The following SLC41A2 variants were observed in gnomAD, a reference collection of about 807,000 sequenced individuals.
The protein encoded by SLC41A2 is solute carrier family 41 member 2.
A neutral mutation model predicts 58.3 loss-of-function variants in SLC41A2; 32 were observed. The observed-to-expected ratio is 0.55, with a 90% CI of 0.41 to 0.74. The LOEUF is 0.74. Ranked by LOEUF, SLC41A2 falls within the 30% of genes least tolerant of loss-of-function variation. The pLI is 0.00. For missense variants in SLC41A2, 514 were observed against 680.6 expected, an observed-to-expected ratio of 0.76 and a Z score of 2.72; for synonymous variants, 190 against 235.0, an observed-to-expected ratio of 0.81 and a Z score of 1.75.
At chr12:104,853,939 T>A (rs1480192228) in intron 8 of SLC41A2, among the ~76,000 whole-genome samples, 2 of 132,830 alleles carry the variant, frequency 1.5e-5, no homozygotes, top group African/African-American at 2.9e-5. Context: ...TTTTTTTTTT[T>A]AGTAGAACTG....
At chr12:104,810,031 T>C (rs1566091582) in intron 10 of SLC41A2, among the ~76,000 whole-genome samples, 2 of 152,144 alleles carry the variant, frequency 1.3e-5, no homozygotes, top group East Asian at 3.8e-4. Flanking sequence ...CAGTGTCATA[T>C]AGGAGATTCC....
chr12:104,865,763 G>C (rs888415587), intron 7 of SLC41A2, among the ~76,000 whole-genome samples: 1 of 151,982 alleles, frequency 6.6e-6, no homozygotes, highest in African/African-American at 2.4e-5. Flanking sequence ...TCTTTTCTAG[G>C]TTGTTCTTCT....
intron 10 of SLC41A2, among the ~76,000 whole-genome samples, chr12:104,837,000 G>A (rs1046176849): frequency 3.3e-5 from 5 of 152,160 alleles, no homozygotes; most frequent in Admixed American, 2.6e-4. Flanking sequence ...TGCTGGATGG[G>A]ATCTGAGTGA....
At chr12:104,953,877 A>T (rs1593201641) in intron 1 of SLC41A2, among the ~76,000 whole-genome samples, 1 of 152,156 alleles carries the variant, frequency 6.6e-6, no homozygotes, top group Non-Finnish European at 1.5e-5. Flanking sequence ...TCTGGGTCCT[A>T]GGAGAACAGT....
rs1388590610 is a variant in SLC41A2, at chr12:104,873,198, C to T, written c.1028-6619G>A. Among the ~76,000 whole-genome samples, 3 of 152,088 alleles carry T rather than the reference C, an allele frequency of 2.0e-5. No individual in the cohort carries two copies. In the East Asian group the frequency reaches 5.8e-4, roughly 29 times the overall value. ...CCTCACCTCCACCCCTAACCCCCATCCCCCGTAACTACCATTCTACTCTTC... is the reference window on the plus strand; with the variant it reads ...CCTCACCTCCACCCCTAACCCCCATTCCCCGTAACTACCATTCTACTCTTC... On this transcript the variant is annotated intron_variant, in intron 6 of 10. Coordinates refer to ENST00000258538, the MANE Select transcript of SLC41A2 (RefSeq NM_001352171.3).
chr12:104,939,844 C>T (rs926383074), intron 1 of SLC41A2, among the ~76,000 whole-genome samples: 4 of 152,144 alleles, frequency 2.6e-5, no homozygotes, highest in African/African-American at 7.2e-5. Flanking sequence ...TTTATATAAA[C>T]ATACTAAGAT....
chr12:104,853,911 A>ATTATTATTTTTTTT lies in SLC41A2; in HGVS notation c.1255+7379_1255+7380insAAAAAAAATAATAA. On this transcript the variant is annotated intron_variant, in intron 8 of 10. Coordinates refer to ENST00000258538, the MANE Select transcript of SLC41A2 (RefSeq NM_001352171.3). ...GGGTGCATGTCACCATGCCTGGCTG[A>ATTATTATTTTTTTT]TTTTTTTTTTTTTTTTTTTTTTTTT... is the stretch of plus-strand genomic sequence containing the variant. Among the ~76,000 whole-genome samples, 56 of 59,494 alleles carry ATTATTATTTTTTTT rather than the reference A, an allele frequency of 9.4e-4. 4 individuals are homozygous for ATTATTATTTTTTTT. Among genetic ancestry groups the ATTATTATTTTTTTT allele is most frequent in the Admixed American group, 2.2e-3 (10 of 4,650 alleles). The allele number at this position is 59,494 out of a possible 152,430, so 39.0% of individuals were successfully genotyped here.
At position 104,866,586 on chromosome 12, in the gene SLC41A2, TTAA is replaced by T; in HGVS notation, c.1028-10_1028-8del. 7.8e-7 allele frequency: 1 copy of T among 1,283,760 alleles called. No individual in the cohort carries two copies. The allele number at this position is 1,283,760 out of a possible 1,614,324, so 79.5% of individuals were successfully genotyped here. ...GAAATGTAGTAATAGGTCTCTAAAA[TTAA>T]AAAAAAAAAAAAAAAGAGAGACAAC... On this transcript the variant is annotated splice_polypyrimidine_tract_variant and splice_region_variant and intron_variant, in intron 6 of 10. Transcript: ENST00000258538.
chr12:104,895,759 C>A (rs1010857939), intron 3 of SLC41A2, among the ~76,000 whole-genome samples: 2 of 152,030 alleles, frequency 1.3e-5, no homozygotes, highest in Non-Finnish European at 2.9e-5. Flanking sequence ...GAATTATTGA[C>A]CCAAAAACAA....
chr12:104,863,306 A>C (rs560557827), intron 7 of SLC41A2, among the ~76,000 whole-genome samples: 2 of 152,098 alleles, frequency 1.3e-5, no homozygotes, highest in Non-Finnish European at 2.9e-5. Flanking sequence ...GGGTGGGTGC[A>C]TGCCTGTAGT....
rs556703451 is a variant in SLC41A2, at chr12:104,906,390, G to A, written c.663+3265C>T. Among the ~76,000 whole-genome samples the A allele has an allele frequency of 2.6e-5, 4 of 152,102 alleles. No individual in the cohort carries two copies. In the South Asian group the frequency reaches 8.3e-4, roughly 32 times the overall value. ...TTTGTTGGAGGTGTAGATGGAGCTT[G>A]GACATGGGGCCTGGTGTATGTGTGA... On this transcript the variant is annotated intron_variant, in intron 3 of 10. Coordinates refer to ENST00000258538, the MANE Select transcript of SLC41A2 (RefSeq NM_001352171.3).
intron 8 of SLC41A2, among the ~76,000 whole-genome samples, chr12:104,853,899 C>T (rs2042900577): frequency 9.7e-6 from 1 of 102,872 alleles, no homozygotes; most frequent in Admixed American, 1.1e-4. Context: ...TGCATGTCAC[C>T]ATGCCTGGCT....
chr12:104,852,535 A>G lies in SLC41A2; in HGVS notation c.1256-6561T>C, dbSNP rs1337527465. ...TATCATTTCTTTGTTACCATATAACAGACTAAGATAATGATAATAAATATA... is the reference window on the plus strand; with the variant it reads ...TATCATTTCTTTGTTACCATATAACGGACTAAGATAATGATAATAAATATA... On this transcript the variant is annotated intron_variant, in intron 8 of 10. Coordinates refer to ENST00000258538, the MANE Select transcript of SLC41A2 (RefSeq NM_001352171.3). Among the ~76,000 whole-genome samples, 5 of 152,244 alleles carry G rather than the reference A, an allele frequency of 3.3e-5. No homozygotes were observed. In the East Asian group the frequency reaches 9.6e-4, roughly 29 times the overall value.
At chr12:104,947,559 T>C (rs1297859048) in intron 1 of SLC41A2, among the ~76,000 whole-genome samples, 1 of 152,100 alleles carries the variant, frequency 6.6e-6, no homozygotes, top group Non-Finnish European at 1.5e-5. Flanking sequence ...AAAAATCAAC[T>C]GGATTTTAAT....
At chr12:104,882,205 G>A (rs2044410881) in intron 6 of SLC41A2, among the ~76,000 whole-genome samples, 1 of 151,762 alleles carries the variant, frequency 6.6e-6, no homozygotes, top group Non-Finnish European at 1.5e-5. Flanking sequence ...TTGAGCCTAT[G>A]CATGTCTCTG....
chr12:104,811,795 A>C (rs903172195), intron 10 of SLC41A2, among the ~76,000 whole-genome samples: 2 of 152,244 alleles, frequency 1.3e-5, no homozygotes, highest in African/African-American at 4.8e-5. Flanking sequence ...ACATGAGAAA[A>C]GAAGTCAGTA....
chr12:104,900,166 T>A (rs12305186), intron 3 of SLC41A2, among the ~76,000 whole-genome samples: 4,979 of 152,258 alleles, frequency 0.033, 255 homozygotes, highest in African/African-American at 0.11. Flanking sequence ...ACTTTGCAAT[T>A]CTTACTCATT....
chr12:104,872,794 A>C (rs572138606), intron 6 of SLC41A2, among the ~76,000 whole-genome samples: 1 of 152,202 alleles, frequency 6.6e-6, no homozygotes, highest in Non-Finnish European at 1.5e-5. Context: ...GCCTTAGTAC[A>C]TGTATGAAAG....
At chr12:104,913,765 T>C (rs2046189185) in intron 2 of SLC41A2, among the ~76,000 whole-genome samples, 2 of 152,170 alleles carry the variant, frequency 1.3e-5, no homozygotes, top group African/African-American at 4.8e-5. Flanking sequence ...CAAATTTATG[T>C]ACCTCATCAT....
Sources: gnomAD v4.1 joint callset for allele counts (sites outside exome capture counted in the v4.1 genomes callset) on GRCh38, gnomAD v4.1.1 for gene constraint, MANE v1.5 for transcripts, NCBI Gene and HGNC (gene_info 2026-07-23, HGNC 2026-07-21) for gene names.